Variants in SPAG17 observed in about 807,000 individuals in gnomAD.
SPAG17 encodes the protein sperm-associated antigen 17.
Under a neutral mutation model 273.6 loss-of-function variants are expected in SPAG17, and 169 were observed. The ratio of observed to expected loss-of-function variants is 0.62; its 90% confidence interval spans 0.55 to 0.70. The LOEUF (loss-of-function observed/expected upper bound fraction) is 0.70, where lower values mean the gene tolerates loss of function less well. SPAG17 is among the 30% of genes least tolerant of loss of function. SPAG17 has a pLI of 0.00. For synonymous variants in SPAG17, 825 were observed against 873.2 expected (o/e 0.94, Z 0.97); for missense variants, 2,557 against 2,627.8 (o/e 0.97, Z 0.59).
chr1:117,955,234 T>A, intron 48 of SPAG17: 5 of 1,251,298 alleles, frequency 4.0e-6, no homozygotes, highest in Non-Finnish European at 5.7e-6. Flanking sequence ...GGGGTTCCTG[T>A]TTTATAGGAG....
At chr1:118,159,538 T>G (rs1182002480) in intron 1 of SPAG17, among the ~76,000 whole-genome samples, 1 of 152,206 alleles carries the variant, frequency 6.6e-6, no homozygotes, top group Non-Finnish European at 1.5e-5. Context: ...TGTAAAATAT[T>G]AATATATGCA....
chr1:118,063,253 C>T (rs1295428863), intron 18 of SPAG17, among the ~76,000 whole-genome samples: 2 of 152,078 alleles, frequency 1.3e-5, no homozygotes, highest in Non-Finnish European at 2.9e-5. Context: ...TCATATGGAA[C>T]CAAAAAAGAG....
chr1:118,103,755 G>T (rs569227452), intron 4 of SPAG17, among the ~76,000 whole-genome samples: 1 of 152,062 alleles, frequency 6.6e-6, no homozygotes, highest in South Asian at 2.1e-4. Flanking sequence ...TTCATAAGTA[G>T]GTGATGAAGG....
chr1:117,982,355 C>T (rs1045876636), intron 42 of SPAG17, among the ~76,000 whole-genome samples: 2 of 151,640 alleles, frequency 1.3e-5, no homozygotes, highest in African/African-American at 2.4e-5. Flanking sequence ...CATTCTCCTG[C>T]CTTAGCCTCC....
In SPAG17 at chr1:118,081,646, T is replaced by A; in HGVS notation, c.1763-4A>T. 1 of 1,612,056 alleles carries A rather than the reference T, an allele frequency of 6.2e-7. No homozygotes were observed. Among genetic ancestry groups the A allele is most frequent in the South Asian group, 1.1e-5 (1 of 91,022 alleles). On this transcript the variant is annotated splice_region_variant and splice_polypyrimidine_tract_variant and intron_variant, in intron 13 of 48. Transcript: ENST00000336338. ...ACTTCATTCCAGCTCAAGACATCTG[T>A]AAGAAAGCAGAACCAGTGCTGCTGG...
intron 13 of SPAG17, among the ~76,000 whole-genome samples, chr1:118,084,148 C>G (rs745995911): frequency 1.1e-4 from 16 of 151,964 alleles, no homozygotes; most frequent in Non-Finnish European, 1.9e-4. Context: ...AGTTCACCCC[C>G]TACTCAGGAA....
chr1:118,135,430 T>G lies in SPAG17; in HGVS notation c.315+15113A>C, dbSNP rs1025160435. On this transcript the variant is annotated intron_variant, in intron 3 of 48. Coordinates refer to ENST00000336338, the MANE Select transcript of SPAG17 (RefSeq NM_206996.4). ...GTGTGTATGTGTGTGTGTGTGTGTG[T>G]GGGGTATGGTGTGTTCAATTATGGA... Among the ~76,000 whole-genome samples the G allele has an allele frequency of 1.4e-3, 209 of 146,652 alleles. 3 individuals are homozygous for G. In the East Asian group the frequency reaches 0.02, roughly 14 times the overall value.
chr1:117,968,941 G>C (rs1436594395), intron 46 of SPAG17, among the ~76,000 whole-genome samples: 3 of 152,078 alleles, frequency 2.0e-5, no homozygotes, highest in Admixed American at 1.3e-4. Flanking sequence ...AGCTGCTTAC[G>C]TGTCTTACTC....
intron 15 of SPAG17, among the ~76,000 whole-genome samples, chr1:118,078,317 A>T (rs1053123887): frequency 6.6e-6 from 1 of 151,872 alleles, no homozygotes; most frequent in African/African-American, 2.4e-5. Context: ...TTATTTTTTA[A>T]ATGTTTTTAA....
intron 20 of SPAG17, among the ~76,000 whole-genome samples, chr1:118,042,755 G>A (rs1455127598): frequency 1.3e-5 from 2 of 152,150 alleles, no homozygotes; most frequent in Non-Finnish European, 2.9e-5. Flanking sequence ...CATACCCCAA[G>A]TAACCAATGG....
At chr1:118,006,514 G>C (rs924404842) in intron 31 of SPAG17, among the ~76,000 whole-genome samples, 1 of 152,102 alleles carries the variant, frequency 6.6e-6, no homozygotes, top group African/African-American at 2.4e-5. Context: ...CATTTGCATT[G>C]TTTTCAGTTT....
At chr1:117,995,056 A>T (rs1458032870) in intron 34 of SPAG17, among the ~76,000 whole-genome samples, 2 of 151,962 alleles carry the variant, frequency 1.3e-5, no homozygotes, top group South Asian at 4.1e-4. Flanking sequence ...AACTTGTACT[A>T]TTCTTCCCCT....
chr1:118,029,796 T>C (rs1047903653), intron 25 of SPAG17, among the ~76,000 whole-genome samples: 3 of 152,224 alleles, frequency 2.0e-5, no homozygotes, highest in Non-Finnish European at 4.4e-5. Flanking sequence ...TGTGGATATT[T>C]GTTTTTTTCT....
At chr1:118,072,519 G>A (rs1199767567) in intron 17 of SPAG17, among the ~76,000 whole-genome samples, 1 of 152,202 alleles carries the variant, frequency 6.6e-6, no homozygotes, top group Non-Finnish European at 1.5e-5. Flanking sequence ...TATCTGTTAT[G>A]TTTGAATGTA....
At chr1:118,122,018 T>C (rs1657450024) in intron 3 of SPAG17, among the ~76,000 whole-genome samples, 1 of 152,226 alleles carries the variant, frequency 6.6e-6, no homozygotes, top group Non-Finnish European at 1.5e-5. Flanking sequence ...TAAGCTATGT[T>C]GCCATATATT....
intron 3 of SPAG17, among the ~76,000 whole-genome samples, chr1:118,127,099 T>G (rs1657778985): frequency 1.3e-5 from 2 of 152,222 alleles, no homozygotes; most frequent in Admixed American, 1.3e-4. Flanking sequence ...TTGGGATACA[T>G]TTTGAAGTCA....
chr1:117,987,879 T>C lies in SPAG17; in HGVS notation c.5624A>G (p.His1875Arg). ...GKDFFEKTWR[H>R]TASSKRWKEK... The stretch of plus-strand genomic sequence containing the variant: ...TTTCCAGCGTTTTGAGGATGCTGTG[T>C]GTCTATGTGAAAGGAAAGGAAAGTA... Residue 1875 changes from histidine (H) to arginine (R), a missense_variant and splice_region_variant, in exon 40 of 49, where the codon CAC becomes CGC. His to Arg is a conservative substitution (Grantham distance 29). Transcript: ENST00000336338. 1 of 1,613,928 alleles carries C rather than the reference T, an allele frequency of 6.2e-7. No individual in the cohort carries two copies. The highest frequency in any genetic ancestry group is 1.7e-4 in the Middle Eastern group (1 of 6,054).
intron 20 of SPAG17, among the ~76,000 whole-genome samples, chr1:118,051,215 A>C (rs1237033702): frequency 1.3e-5 from 2 of 152,168 alleles, no homozygotes; most frequent in Non-Finnish European, 2.9e-5. Context: ...ACCTGATAGA[A>C]TGGCTATGAG....
intron 40 of SPAG17, among the ~76,000 whole-genome samples, chr1:117,985,197 CA>C (rs936241220): frequency 5.3e-5 from 8 of 152,058 alleles, no homozygotes; most frequent in African/African-American, 1.9e-4. Context: ...AAACCAAAAA[CA>C]AAAACTTGAG....
Sources: gnomAD v4.1 joint callset for allele counts (sites outside exome capture counted in the v4.1 genomes callset) on GRCh38, gnomAD v4.1.1 for gene constraint, MANE v1.5 for transcripts, NCBI Gene and HGNC (gene_info 2026-07-23, HGNC 2026-07-21) for gene names.